Variants in ZNF804A observed in about 807,000 individuals in gnomAD.
The protein encoded by ZNF804A is zinc finger protein 804A.
ZNF804A carries 2 observed loss-of-function variants against 16.5 expected under a neutral mutation model. That is an observed-to-expected ratio of 0.12 (90% CI 0.05 to 0.38). The LOEUF (loss-of-function observed/expected upper bound fraction) is 0.38. ZNF804A is among the 10% of genes least tolerant of loss of function. The pLI is 0.99. For missense variants in ZNF804A, 1,473 were observed against 1,390.7 expected (o/e 1.06, Z -0.94); for synonymous variants, 534 against 489.6 (o/e 1.09, Z -1.20).
Position 184,836,683 on chromosome 2 carries a change from G to GTA in ZNF804A, c.112-29672_112-29671dup, listed in dbSNP as rs71908465. 3.8e-3 allele frequency among the ~76,000 whole-genome samples: 562 copies of GTA among 147,942 alleles called. 6 individuals carry two copies. Among genetic ancestry groups the GTA allele is most frequent in the African/African-American group, 0.013 (501 of 39,968 alleles). On this transcript the variant is annotated intron_variant, in intron 1 of 3. Coordinates refer to ENST00000302277, the MANE Select transcript of ZNF804A (RefSeq NM_194250.2). ...AGAGATATAGATGCTTTGTGTGTGT[G>GTA]TATATATATATATATTTTTTTTTTA...
chr2:184,845,655 T>C (rs985743198), intron 1 of ZNF804A, among the ~76,000 whole-genome samples: 1 of 152,142 alleles, frequency 6.6e-6, no homozygotes, highest in Non-Finnish European at 1.5e-5. Context: ...GAGAAGGCTA[T>C]TGGCTTATTT....
intron 1 of ZNF804A, among the ~76,000 whole-genome samples, chr2:184,790,147 G>C (rs1457055116): frequency 6.6e-6 from 1 of 150,686 alleles, no homozygotes; most frequent in Non-Finnish European, 1.5e-5. Flanking sequence ...AGTTCCCCTT[G>C]GTATTGATTT....
chr2:184,660,558 G>A (rs930682910), intron 1 of ZNF804A, among the ~76,000 whole-genome samples: 1 of 152,210 alleles, frequency 6.6e-6, no homozygotes, highest in African/African-American at 2.4e-5. Flanking sequence ...TGAAAGGACT[G>A]AGTCCTGAAC....
chr2:184,660,295 C>T (rs911113238), intron 1 of ZNF804A, among the ~76,000 whole-genome samples: 1 of 152,148 alleles, frequency 6.6e-6, no homozygotes, highest in Admixed American at 6.5e-5. Context: ...TTTGCCTAAT[C>T]TGTTTTACAT....
chr2:184,797,008 A>AT (rs1045142361), intron 1 of ZNF804A, among the ~76,000 whole-genome samples: 12 of 151,518 alleles, frequency 7.9e-5, no homozygotes, highest in African/African-American at 2.9e-4. Flanking sequence ...TATAACTTCA[A>AT]TTTTTTTAAT....
chr2:184,675,710 A>G (rs1164142388), intron 1 of ZNF804A, among the ~76,000 whole-genome samples: 1 of 151,830 alleles, frequency 6.6e-6, no homozygotes, highest in African/African-American at 2.4e-5. Context: ...ATTTAATAAT[A>G]TTCTGATGGT....
At chr2:184,735,163 TTATC>T (rs1349901129) in intron 1 of ZNF804A, among the ~76,000 whole-genome samples, 25 of 152,104 alleles carry the variant, frequency 1.6e-4, no homozygotes, top group Non-Finnish European at 3.5e-4. Flanking sequence ...TTTAAAATGA[TTATC>T]TATATAGTTG....
At position 184,780,615 on chromosome 2, in the gene ZNF804A, G is replaced by T. The variant is rs537090024; in HGVS notation, c.112-85754G>T. ...AACTCAGAGGTTAAACCTGATGGGA[G>T]TCAAGGCAAACTCTGGGGCAAGGTT... On this transcript the variant is annotated intron_variant, in intron 1 of 3. Transcript: ENST00000302277. 2.2e-3 allele frequency among the ~76,000 whole-genome samples: 327 copies of T among 151,852 alleles called. 1 individual carries two copies. Among genetic ancestry groups the T allele is most frequent in the Middle Eastern group, 6.8e-3 (2 of 294 alleles).
At chr2:184,791,732 C>T (rs1171518118) in intron 1 of ZNF804A, among the ~76,000 whole-genome samples, 1 of 152,068 alleles carries the variant, frequency 6.6e-6, no homozygotes. Context: ...AGATTTCACT[C>T]TTGGTGTTTC....
Position 184,699,098 on chromosome 2 carries a change from G to A in ZNF804A, c.111+100028G>A, listed in dbSNP as rs555607681. 7.9e-5 allele frequency among the ~76,000 whole-genome samples: 12 copies of A among 152,092 alleles called. No individual in the cohort carries two copies. The South Asian group carries it at 2.5e-3, about 32-fold the overall frequency. ...TGGGATTCTATAACTAAAGAAAGCAGGAATGGATAATGATTAGGAAAACAT... is the reference window on the plus strand; with the variant it reads ...TGGGATTCTATAACTAAAGAAAGCAAGAATGGATAATGATTAGGAAAACAT... On this transcript the variant is annotated intron_variant, in intron 1 of 3. Transcript: ENST00000302277.
At chr2:184,759,082 G>A (rs1181185586) in intron 1 of ZNF804A, among the ~76,000 whole-genome samples, 1 of 150,990 alleles carries the variant, frequency 6.6e-6, no homozygotes, top group Admixed American at 6.6e-5. Context: ...GCTGTAAATT[G>A]CTTGCCTTAT....
At chr2:184,669,566 A>G (rs761782934) in intron 1 of ZNF804A, among the ~76,000 whole-genome samples, 14 of 152,144 alleles carry the variant, frequency 9.2e-5, no homozygotes, top group Non-Finnish European at 1.8e-4. Context: ...TTATACATCC[A>G]CTACCCACAT....
chr2:184,920,991 A>G (rs1193923682), intron 2 of ZNF804A, among the ~76,000 whole-genome samples: 2 of 152,228 alleles, frequency 1.3e-5, no homozygotes, highest in African/African-American at 4.8e-5. Flanking sequence ...TGTTACACCA[A>G]AATAGAAAAT....
intron 1 of ZNF804A, among the ~76,000 whole-genome samples, chr2:184,643,913 C>G (rs1302012274): frequency 1.3e-5 from 2 of 151,476 alleles, no homozygotes; most frequent in East Asian, 3.9e-4. Flanking sequence ...ATTCGTGTAT[C>G]CTATAAATAT....
At chr2:184,658,522 A>AT (rs1025975619) in intron 1 of ZNF804A, among the ~76,000 whole-genome samples, 20 of 151,818 alleles carry the variant, frequency 1.3e-4, no homozygotes, top group South Asian at 4.2e-4. Context: ...AACACCAAGA[A>AT]TTTTTTTTCT....
Position 184,888,208 on chromosome 2 carries a change from G to A in ZNF804A, c.255+21696G>A, listed in dbSNP as rs61595688. 7.5e-3 allele frequency among the ~76,000 whole-genome samples: 1,135 copies of A among 152,048 alleles called. 11 individuals carry two copies. Among genetic ancestry groups the A allele is most frequent in the African/African-American group, 0.026 (1,082 of 41,464 alleles). On this transcript the variant is annotated intron_variant, in intron 2 of 3. Coordinates refer to ENST00000302277, the MANE Select transcript of ZNF804A (RefSeq NM_194250.2). Reference sequence around the variant, plus strand: ...TTTACTTTGGGACATACTTAAATATGATTATTTAATTATGATAATAAGCAC... The same window carrying A: ...TTTACTTTGGGACATACTTAAATATAATTATTTAATTATGATAATAAGCAC...
intron 1 of ZNF804A, among the ~76,000 whole-genome samples, chr2:184,760,265 T>A (rs1694021935): frequency 6.6e-6 from 1 of 152,146 alleles, no homozygotes; most frequent in African/African-American, 2.4e-5. Flanking sequence ...TGACTGTTTA[T>A]TTGAACGAAT....
chr2:184,759,791 G>T (rs1694014918), intron 1 of ZNF804A, among the ~76,000 whole-genome samples: 1 of 151,832 alleles, frequency 6.6e-6, no homozygotes, highest in Non-Finnish European at 1.5e-5. Flanking sequence ...GCTCATCCTG[G>T]CTCAAAAAGC....
chr2:184,766,602 T>C (rs1195815034), intron 1 of ZNF804A, among the ~76,000 whole-genome samples: 1 of 144,666 alleles, frequency 6.9e-6, no homozygotes, highest in Non-Finnish European at 1.5e-5. Flanking sequence ...GACTGTCTTG[T>C]AAAAATAACT....
Sources: allele counts gnomAD v4.1 joint callset (sites outside exome capture counted in the v4.1 genomes callset), GRCh38; gene constraint gnomAD v4.1.1; transcripts MANE v1.5; gene names NCBI Gene and HGNC (gene_info 2026-07-23, HGNC 2026-07-21).